The following ADAMTS9 variants were observed in gnomAD, a reference collection of about 807,000 sequenced individuals.
The protein encoded by ADAMTS9 is ADAM metallopeptidase with thrombospondin type 1 motif 9, also known as A disintegrin and metalloproteinase with thrombospondin motifs 9.
In ADAMTS9, 107 loss-of-function variants were observed where a neutral mutation model predicts 257.1. That is an observed-to-expected ratio of 0.42 (90% CI 0.36 to 0.49). The LOEUF (loss-of-function observed/expected upper bound fraction) is 0.49, where lower values mean the gene tolerates loss of function less well. Ranked by LOEUF, ADAMTS9 falls within the 20% of genes least tolerant of loss-of-function variation. The probability of loss-of-function intolerance (pLI) is 0.03; values close to 1 mark genes in which losing one functional copy is unlikely to be tolerated. For missense variants in ADAMTS9, 2,353 were observed against 2,469.1 expected, an observed-to-expected ratio of 0.95 and a Z score of 1.00; for synonymous variants, 982 against 880.9, an observed-to-expected ratio of 1.11 and a Z score of -2.03.
At chr3:64,583,175 T>A (rs1300917597) in intron 28 of ADAMTS9, 3 of 152,214 alleles carry the variant, frequency 2.0e-5, no homozygotes, top group African/African-American at 7.2e-5. Flanking sequence ...TGTCTGTTGG[T>A]CAGTTGGGCA....
At chr3:64,548,743 G>A (rs1204013791) in intron 31 of ADAMTS9, among the ~76,000 whole-genome samples, 4 of 152,222 alleles carry the variant, frequency 2.6e-5, no homozygotes, top group Non-Finnish European at 5.9e-5. Flanking sequence ...TTGTGAAAAT[G>A]TTGACTGCTG....
chr3:64,541,955 C>T lies in ADAMTS9; in HGVS notation c.5080G>A (p.Gly1694Ser). The T allele has an allele frequency of 1.9e-6, 3 of 1,614,080 alleles. No homozygotes were observed. The highest frequency in any genetic ancestry group is 1.1e-5 in the South Asian group (1 of 91,074). Residue 1694 changes from glycine to serine, a missense_variant, in exon 33 of 40, where the codon GGT (glycine) becomes AGT (serine). This residue lies in a region of ADAMTS9 where 1,402 missense variants were observed against 1,441.4 expected (regional missense o/e 0.97). Coordinates refer to ENST00000498707, the MANE Select transcript of ADAMTS9 (RefSeq NM_182920.2). Reference sequence around the variant, plus strand: ...ACAGATCTCTGCATCACTCCAACACCACAAGACACTGAGCACTGTAAGACA... The same window carrying T: ...ACAGATCTCTGCATCACTCCAACACTACAAGACACTGAGCACTGTAAGACA... ...GNWGSCSVSCGVGVMQRSVQC... is the reference protein window; with the variant it reads ...GNWGSCSVSCSVGVMQRSVQC...
At chr3:64,614,967 G>T (rs1433771970) in intron 21 of ADAMTS9, 12 of 172,610 alleles carry the variant, frequency 7.0e-5, no homozygotes, top group Non-Finnish European at 1.5e-4. Flanking sequence ...GTTGACTTCA[G>T]ATGTGAGCTA....
chr3:64,611,738 T>G (rs1015763214), intron 22 of ADAMTS9, among the ~76,000 whole-genome samples: 4 of 152,114 alleles, frequency 2.6e-5, no homozygotes, highest in African/African-American at 4.8e-5. Flanking sequence ...CAGGCGGTAA[T>G]GCTTATCCAC....
At chr3:64,683,743 T>C (rs1042789359) in intron 2 of ADAMTS9, among the ~76,000 whole-genome samples, 2 of 152,146 alleles carry the variant, frequency 1.3e-5, no homozygotes, top group Non-Finnish European at 2.9e-5. Context: ...TATTCAAACA[T>C]ATATGCTAAG....
chr3:64,617,687 A>T (rs1249215086), intron 19 of ADAMTS9, among the ~76,000 whole-genome samples: 1 of 152,188 alleles, frequency 6.6e-6, no homozygotes, highest in Non-Finnish European at 1.5e-5. Context: ...GGATTAAATA[A>T]TTTTAAGAAC....
At chr3:64,530,620 A>C (rs775004388) in intron 38 of ADAMTS9, among the ~76,000 whole-genome samples, 6 of 151,536 alleles carry the variant, frequency 4.0e-5, no homozygotes, top group Non-Finnish European at 5.9e-5. Context: ...GGGAACAGCC[A>C]GTGTAGTGAT....
chr3:64,604,467 C>A (rs1433238185), intron 23 of ADAMTS9, 136 bp from the exon 24 acceptor site: 1 of 586,138 alleles, frequency 1.7e-6, no homozygotes, highest in East Asian at 2.9e-5. Flanking sequence ...GGGCAAGTCA[C>A]ATGACATCTC....
At chr3:64,656,840 A>T (rs1701086465) in intron 4 of ADAMTS9, among the ~76,000 whole-genome samples, 1 of 152,078 alleles carries the variant, frequency 6.6e-6, no homozygotes. Context: ...AAGGAGTACC[A>T]TAGGCCACAA....
intron 3 of ADAMTS9, among the ~76,000 whole-genome samples, chr3:64,666,959 C>A (rs1701366013): frequency 6.6e-6 from 1 of 152,114 alleles, no homozygotes; most frequent in Non-Finnish European, 1.5e-5. Context: ...CCAGCATATG[C>A]AACATAGGGA....
At chr3:64,531,886 A>G (rs1311879023) in intron 38 of ADAMTS9, among the ~76,000 whole-genome samples, 1 of 152,200 alleles carries the variant, frequency 6.6e-6, no homozygotes, top group Non-Finnish European at 1.5e-5. Context: ...ATGCCTGGGT[A>G]AACTTAGACA....
Position 64,541,869 on chromosome 3 carries a change from T to G in ADAMTS9, c.5166A>C (p.Glu1722Asp). 6.2e-7 allele frequency: 1 copy of G among 1,614,224 alleles called. No homozygotes were observed. The highest frequency in any genetic ancestry group is 8.5e-7 in the Non-Finnish European group (1 of 1,180,026). The change falls in exon 33 of 40, where the codon GAA (glutamate) becomes GAC (aspartate). Residue 1722 changes from glutamate (E) to aspartate (D), a missense_variant. By Grantham distance (45) the Glu-to-Asp change is conservative. This residue lies in a region of ADAMTS9 where 1,402 missense variants were observed against 1,441.4 expected (regional missense o/e 0.97). Coordinates refer to ENST00000498707, the MANE Select transcript of ADAMTS9 (RefSeq NM_182920.2). ...SHLCHTDLKP[E>D]ERKTCRNVYN... Reference sequence around the variant, plus strand: ...AGACATTACGGCAGGTTTTTCGTTCTTCTGGCTTCAGATCAGTGTGGCATA... The same window carrying G: ...AGACATTACGGCAGGTTTTTCGTTCGTCTGGCTTCAGATCAGTGTGGCATA...
At chr3:64,606,069 A>G (rs1285077464) in intron 23 of ADAMTS9, among the ~76,000 whole-genome samples, 1 of 152,168 alleles carries the variant, frequency 6.6e-6, no homozygotes, top group Non-Finnish European at 1.5e-5. Context: ...ATGAAAGTGG[A>G]ATGATGAAGA....
At chr3:64,625,173 G>C (rs2106873454) in intron 16 of ADAMTS9, among the ~76,000 whole-genome samples, 1 of 152,256 alleles carries the variant, frequency 6.6e-6, no homozygotes, top group East Asian at 1.9e-4. Flanking sequence ...CAATCAATTG[G>C]TAACAGCCGC....
intron 14 of ADAMTS9, among the ~76,000 whole-genome samples, chr3:64,632,268 TA>T (rs1437857157): frequency 6.6e-6 from 1 of 152,012 alleles, no homozygotes; most frequent in Non-Finnish European, 1.5e-5. Context: ...AGTAATTTTT[TA>T]AAAAATTGCT....
In ADAMTS9 at chr3:64,617,667, G is replaced by A. The variant is rs544320681; in HGVS notation, c.2814-1497C>T. ...TAAGCCTGTGTGTTTTTATTGCAGG[G>A]GAAGTTGTGGGATTAAATAATTTTA... is the stretch of plus-strand genomic sequence containing the variant. On this transcript the variant is annotated intron_variant, in intron 19 of 39. Coordinates refer to ENST00000498707, the MANE Select transcript of ADAMTS9 (RefSeq NM_182920.2). Among the ~76,000 whole-genome samples, 4 of 152,208 alleles carry A rather than the reference G, an allele frequency of 2.6e-5. No individual in the cohort carries two copies. The East Asian group carries it at 7.7e-4, about 29-fold the overall frequency.
rs1194581220 is a variant in ADAMTS9 at position 64,686,013 on chromosome 3, A to C, written c.516+555T>G. 2.6e-5 allele frequency among the ~76,000 whole-genome samples: 4 copies of C among 152,142 alleles called. No individual in the cohort carries two copies. The highest frequency in any genetic ancestry group is 6.5e-5 in the Admixed American group (1 of 15,290). On this transcript the variant is annotated intron_variant, in intron 2 of 39. Coordinates refer to ENST00000498707, the MANE Select transcript of ADAMTS9 (RefSeq NM_182920.2). The surrounding 1 kb of genome is among the most constrained non-coding windows in gnomAD (Gnocchi z 4.6). ...CCTGGGACGGGACCTGCTCCCTGTC[A>C]ATCCAGTTCAGCCTCAGGGTTCCTG... is the stretch of plus-strand genomic sequence containing the variant.
intron 38 of ADAMTS9, among the ~76,000 whole-genome samples, chr3:64,524,970 A>G (rs1022671233): frequency 6.6e-6 from 1 of 152,164 alleles, no homozygotes; most frequent in Non-Finnish European, 1.5e-5. Flanking sequence ...TTGGCCTGGT[A>G]AATTCTTCAG....
chr3:64,684,338 GGGCGACCC>G (rs769565598), intron 2 of ADAMTS9, among the ~76,000 whole-genome samples: 45,226 of 151,928 alleles, frequency 0.3, 7,264 homozygotes, highest in East Asian at 0.44. Flanking sequence ...CAGGAGAGGC[GGGCGACCC>G]ATCTCAGATG....
Sources: gnomAD v4.1 joint callset for allele counts (sites outside exome capture counted in the v4.1 genomes callset) on GRCh38, gnomAD v4.1.1 for gene constraint, gnomAD v4.1.1 regional missense constraint, Gnocchi (gnomAD v3.1) non-coding constraint, MANE v1.5 for transcripts, NCBI Gene and HGNC (gene_info 2026-07-23, HGNC 2026-07-21) for gene names.